Variants in INPP5A observed in about 807,000 individuals in gnomAD.
INPP5A encodes 43 kDa inositol polyphosphate 5-phophatase.
Under a neutral mutation model 65.2 loss-of-function variants are expected in INPP5A, and 14 were observed. That is an observed-to-expected ratio of 0.21 (90% CI 0.14 to 0.34). The LOEUF is 0.34. INPP5A is among the 10% of genes least tolerant of loss of function. The pLI, the probability that INPP5A is intolerant of heterozygous loss-of-function variation, is 1.00. For synonymous variants in INPP5A, 207 were observed against 208.3 expected (o/e 0.99, Z 0.05); for missense variants, 431 against 545.6 (o/e 0.79, Z 2.09).
chr10:132,695,502 A>G (rs926194594), intron 5 of INPP5A, among the ~76,000 whole-genome samples: 3 of 152,232 alleles, frequency 2.0e-5, no homozygotes, highest in African/African-American at 7.2e-5. Flanking sequence ...ATAATGTAAT[A>G]AGACAAGAAA....
At chr10:132,649,457 ACG>A (rs1396540752) in intron 3 of INPP5A, among the ~76,000 whole-genome samples, 1 of 147,674 alleles carries the variant, frequency 6.8e-6, no homozygotes, top group Non-Finnish European at 1.5e-5. Flanking sequence ...TGCGAATGTT[ACG>A]TTGTTTAGTG....
intron 1 of INPP5A, among the ~76,000 whole-genome samples, chr10:132,569,636 C>T (rs956947795): frequency 1.1e-4 from 17 of 151,156 alleles, no homozygotes; most frequent in East Asian, 9.8e-4. Flanking sequence ...GGATTACAGG[C>T]GTGAGCCACC....
At chr10:132,574,804 C>T (rs1427326839) in intron 1 of INPP5A, among the ~76,000 whole-genome samples, 1 of 151,640 alleles carries the variant, frequency 6.6e-6, no homozygotes, top group African/African-American at 2.4e-5. Flanking sequence ...CATTTTCCTG[C>T]CTCAGCCTCT....
chr10:132,604,360 G>C (rs1480645246), intron 1 of INPP5A, among the ~76,000 whole-genome samples: 1 of 151,894 alleles, frequency 6.6e-6, no homozygotes, highest in African/African-American at 2.4e-5. Flanking sequence ...ATCCTGCCCT[G>C]TGCTGTCAGG....
intron 1 of INPP5A, among the ~76,000 whole-genome samples, chr10:132,540,742 G>T (rs1261524088): frequency 3.9e-5 from 6 of 152,226 alleles, no homozygotes; most frequent in African/African-American, 1.4e-4. Context: ...CCGTGCTGAC[G>T]AACGCACCCT....
rs868009303 is a variant in INPP5A at position 132,628,472 on chromosome 10, G to T, written c.118-17396G>T. The stretch of plus-strand genomic sequence containing the variant: ...AGATGTGCTCTGGTGGCGGGGGGGG[G>T]GGGGGGCGTGGCGTGGGGGACACGT... On this transcript the variant is annotated intron_variant, in intron 2 of 15. Transcript: ENST00000368594. 1.2e-4 allele frequency among the ~76,000 whole-genome samples: 18 copies of T among 150,448 alleles called. 1 individual carries two copies. Among genetic ancestry groups the T allele is most frequent in the East Asian group, 2.0e-4 (1 of 5,076 alleles).
intron 4 of INPP5A, among the ~76,000 whole-genome samples, chr10:132,665,715 C>G (rs1437181726): frequency 7.0e-6 from 1 of 143,770 alleles, no homozygotes; most frequent in African/African-American, 2.7e-5. Context: ...CTCTGGGAGG[C>G]TGAGGCAGAT....
chr10:132,768,090 C>G (rs1846883638), intron 12 of INPP5A, among the ~76,000 whole-genome samples: 2 of 143,048 alleles, frequency 1.4e-5, no homozygotes, highest in South Asian at 4.5e-4. Context: ...CAGAAAGATC[C>G]ATGGACCCCA....
intron 9 of INPP5A, among the ~76,000 whole-genome samples, chr10:132,729,990 G>A (rs907920765): frequency 1.7e-4 from 26 of 152,302 alleles, no homozygotes; most frequent in South Asian, 4.1e-4. Flanking sequence ...TCTGAGAGCC[G>A]CCCACACCAC....
In INPP5A at chr10:132,550,648, G is replaced by A. The variant is rs1417678617; in HGVS notation, c.75+12477G>A. Among the ~76,000 whole-genome samples, 4 of 152,222 alleles carry A rather than the reference G, an allele frequency of 2.6e-5. No homozygotes were observed. The highest frequency in any genetic ancestry group is 2.9e-5 in the Non-Finnish European group (2 of 68,034). ...TGGCTGGGCTCGCTGGCCACAGGACGTCCACTGTAGGACAGCTGGGAGTGG... is the reference window on the plus strand; with the variant it reads ...TGGCTGGGCTCGCTGGCCACAGGACATCCACTGTAGGACAGCTGGGAGTGG... On this transcript the variant is annotated intron_variant, in intron 1 of 15. Transcript: ENST00000368594. This position sits in a 1 kb window ranked among gnomAD's most constrained non-coding sequence, Gnocchi z 4.2.
Position 132,773,845 on chromosome 10 carries a change from C to T in INPP5A, c.978-3826C>T, listed in dbSNP as rs528312844. Among the ~76,000 whole-genome samples the T allele has an allele frequency of 1.3e-3, 204 of 152,332 alleles. 2 individuals carry two copies. The South Asian group carries it at 0.016, about 12-fold the overall frequency. On this transcript the variant is annotated intron_variant, in intron 12 of 15. Coordinates refer to ENST00000368594, the MANE Select transcript of INPP5A (RefSeq NM_005539.5). ...GTGGTGATCTTGCCTCACTGCAGCC[C>T]CATCTTCTGGGCTCAAGCGATTTTC...
chr10:132,582,041 AT>A (rs2071490820), intron 1 of INPP5A, among the ~76,000 whole-genome samples: 1 of 152,000 alleles, frequency 6.6e-6, no homozygotes, highest in South Asian at 2.1e-4. Context: ...GGGTTTCACC[AT>A]GTTGGCCAGG....
chr10:132,748,265 A>C (rs536756571), intron 9 of INPP5A, among the ~76,000 whole-genome samples: 1 of 152,164 alleles, frequency 6.6e-6, no homozygotes, highest in East Asian at 1.9e-4. Flanking sequence ...TGGAATCTAC[A>C]GTCTGTGGCC....
chr10:132,654,988 C>T (rs939933804), intron 4 of INPP5A, among the ~76,000 whole-genome samples: 8 of 152,322 alleles, frequency 5.3e-5, no homozygotes, highest in East Asian at 3.9e-4. Context: ...TTAGGCTGGG[C>T]GCGGTGGCTC....
Position 132,753,556 on chromosome 10 carries a change from A to G in INPP5A, c.903+3711A>G, listed in dbSNP as rs769021124. Among the ~76,000 whole-genome samples the G allele has an allele frequency of 1.3e-5, 2 of 152,118 alleles. No homozygotes were observed. Among genetic ancestry groups the G allele is most frequent in the East Asian group, 1.9e-4 (1 of 5,188 alleles). On this transcript the variant is annotated intron_variant, in intron 11 of 15. Coordinates refer to ENST00000368594, the MANE Select transcript of INPP5A (RefSeq NM_005539.5). The surrounding 1 kb of genome is among the most constrained non-coding windows in gnomAD (Gnocchi z 5.3). ...ATAGCTTTGTTTAGTCGATATTCCC[A>G]TCGAAATTGTATAATTAATTATAAG...
rs189340075 is a variant in INPP5A at position 132,659,333 on chromosome 10, G to T, written c.306+8828G>T. Among the ~76,000 whole-genome samples, 539 of 152,326 alleles carry T rather than the reference G, an allele frequency of 3.5e-3. 4 individuals carry two copies. Among genetic ancestry groups the T allele is most frequent in the African/African-American group, 0.012 (510 of 41,566 alleles). ...AAAGATGGAGAGCTGCCATTGGCCC[G>T]TAGCTCTGGGGCTGGTCCTGGCCAT... On this transcript the variant is annotated intron_variant, in intron 4 of 15. Coordinates refer to ENST00000368594, the MANE Select transcript of INPP5A (RefSeq NM_005539.5). The surrounding 1 kb of genome is among the most constrained non-coding windows in gnomAD (Gnocchi z 5.5).
intron 12 of INPP5A, among the ~76,000 whole-genome samples, chr10:132,770,994 C>T (rs1041709120): frequency 2.0e-5 from 3 of 152,236 alleles, no homozygotes; most frequent in Non-Finnish European, 2.9e-5. Context: ...TAAATTTTGT[C>T]ATTGGCAACA....
intron 8 of INPP5A, among the ~76,000 whole-genome samples, chr10:132,711,334 CT>C (rs1490695139): frequency 6.6e-6 from 1 of 152,166 alleles, no homozygotes; most frequent in African/African-American, 2.4e-5. Flanking sequence ...ACAGCTGGGC[CT>C]TTTGCTGAAG....
intron 4 of INPP5A, among the ~76,000 whole-genome samples, chr10:132,683,305 CTA>C (rs960406620): frequency 2.0e-5 from 3 of 149,494 alleles, no homozygotes; most frequent in Non-Finnish European, 4.4e-5. Flanking sequence ...GTGTGTTATC[CTA>C]TGTGGAGGGC....
Sources: allele counts gnomAD v4.1 joint callset (sites outside exome capture counted in the v4.1 genomes callset), GRCh38; gene constraint gnomAD v4.1.1; non-coding constraint Gnocchi (gnomAD v3.1); transcripts MANE v1.5; gene names NCBI Gene and HGNC (gene_info 2026-07-23, HGNC 2026-07-21).